Variants in CDH4 observed in about 807,000 individuals in gnomAD.
CDH4 encodes the protein cadherin 4.
In CDH4, 33 loss-of-function variants were observed where a neutral mutation model predicts 86.0. The ratio of observed to expected loss-of-function variants is 0.38; its 90% confidence interval spans 0.29 to 0.51. CDH4 has a LOEUF of 0.51. Ranked by LOEUF, CDH4 falls within the 20% of genes least tolerant of loss-of-function variation. CDH4 has a pLI of 0.86. For synonymous variants in CDH4, 555 were observed against 549.4 expected (o/e 1.01, Z -0.14); for missense variants, 1,114 against 1,307.4 (o/e 0.85, Z 2.28).
intron 2 of CDH4, among the ~76,000 whole-genome samples, chr20:61,258,873 G>C (rs973594144): frequency 2.6e-5 from 4 of 152,222 alleles, no homozygotes; most frequent in Non-Finnish European, 5.9e-5. Flanking sequence ...CCTGTACCAG[G>C]AAGACAAACA....
At chr20:61,284,271 A>G (rs1391716060) in intron 2 of CDH4, among the ~76,000 whole-genome samples, 2 of 151,896 alleles carry the variant, frequency 1.3e-5, no homozygotes, top group Non-Finnish European at 2.9e-5. Flanking sequence ...CTGAGATTGC[A>G]CCACTGCACT....
chr20:61,412,231 A>G (rs1432985694), intron 2 of CDH4, among the ~76,000 whole-genome samples: 14 of 152,144 alleles, frequency 9.2e-5, no homozygotes, highest in Non-Finnish European at 1.5e-5. Context: ...CACTCTAGCA[A>G]GAAACTCTGG....
At chr20:61,831,934 G>A (rs1981636743) in intron 4 of CDH4, among the ~76,000 whole-genome samples, 1 of 152,250 alleles carries the variant, frequency 6.6e-6, no homozygotes, top group Non-Finnish European at 1.5e-5. Context: ...GGACTGGCTG[G>A]AAGCCTCGGG....
At chr20:61,836,900 GTGGGGGTAGGGGGTCTGGCACAC>G (rs1442209818) in intron 4 of CDH4, among the ~76,000 whole-genome samples, 1 of 152,238 alleles carries the variant, frequency 6.6e-6, no homozygotes, top group Non-Finnish European at 1.5e-5. Context: ...ACTTTTAAAA[GTGGGGGTAGGGGGTCTGGCACAC>G]TGGCCCATGC....
intron 2 of CDH4, among the ~76,000 whole-genome samples, chr20:61,522,273 C>G (rs965992406): frequency 6.6e-6 from 1 of 152,054 alleles, no homozygotes; most frequent in Non-Finnish European, 1.5e-5. Flanking sequence ...GAGGCCGGAT[C>G]GGGAACCCCC....
chr20:61,725,337 A>G (rs2088097723), intron 2 of CDH4, among the ~76,000 whole-genome samples: 1 of 152,170 alleles, frequency 6.6e-6, no homozygotes, highest in Admixed American at 6.5e-5. Context: ...GTACACACGC[A>G]CATGCATAGG....
chr20:61,875,545 C>T lies in CDH4; in HGVS notation c.1050+1645C>T, dbSNP rs538687694. 4.5e-4 allele frequency among the ~76,000 whole-genome samples: 69 copies of T among 152,192 alleles called. 2 individuals are homozygous for T. The East Asian group carries it at 5.4e-3, about 12-fold the overall frequency. ...GTGGCAGGCAGCGTGAGGGCTGGCACGGATGGCACAGGCGAGGACTTTTGA... is the reference window on the plus strand; with the variant it reads ...GTGGCAGGCAGCGTGAGGGCTGGCATGGATGGCACAGGCGAGGACTTTTGA... On this transcript the variant is annotated intron_variant, in intron 7 of 15. Transcript: ENST00000614565.
At chr20:61,463,630 G>T (rs13433309) in intron 2 of CDH4, among the ~76,000 whole-genome samples, 13,433 of 152,204 alleles carry the variant, frequency 0.088, 1,996 homozygotes, top group African/African-American at 0.3. Context: ...AGGAGAGGGC[G>T]GAGGGTCTCA....
chr20:61,846,302 G>A (rs1982451424), intron 5 of CDH4, among the ~76,000 whole-genome samples: 1 of 152,248 alleles, frequency 6.6e-6, no homozygotes, highest in Non-Finnish European at 1.5e-5. Context: ...GAGTGGCCGA[G>A]GCAGAACCAC....
At chr20:61,928,136 T>G in intron 11 of CDH4, 54 bp from the exon 12 acceptor site, 2 of 1,350,226 alleles carry the variant, frequency 1.5e-6, no homozygotes, top group Non-Finnish European at 2.1e-6. Context: ...GAGCTGTGGG[T>G]TGGTCATGGA....
Position 61,572,145 on chromosome 20 carries a change from C to T in CDH4, c.170-171418C>T, listed in dbSNP as rs181560594. Among the ~76,000 whole-genome samples the T allele has an allele frequency of 2.1e-3, 322 of 152,184 alleles. 2 individuals are homozygous for T. The highest frequency in any genetic ancestry group is 0.014 in the Admixed American group (210 of 15,282). On this transcript the variant is annotated intron_variant, in intron 2 of 15. Transcript: ENST00000614565. ...CTTCACTTACGAAGGAACTGGCAGC[C>T]GTGGGGATCTGGGGGGCCTCTCTTG...
At chr20:61,864,222 C>T (rs1983447469) in intron 6 of CDH4, among the ~76,000 whole-genome samples, 1 of 152,210 alleles carries the variant, frequency 6.6e-6, no homozygotes. Context: ...CAGGGCAGGG[C>T]TGCTGGCGTT....
At chr20:61,656,366 C>T (rs569147695) in intron 2 of CDH4, among the ~76,000 whole-genome samples, 23 of 137,082 alleles carry the variant, frequency 1.7e-4, no homozygotes, top group African/African-American at 4.8e-4. Flanking sequence ...AGTGGGCAGG[C>T]GCGTGCTGGG....
intron 7 of CDH4, among the ~76,000 whole-genome samples, chr20:61,893,900 A>T (rs1269647943): frequency 6.6e-6 from 1 of 152,006 alleles, no homozygotes; most frequent in Non-Finnish European, 1.5e-5. Flanking sequence ...AAGGTTGGTG[A>T]CCATCTGCTG....
At chr20:61,803,923 C>A (rs2146035851) in intron 4 of CDH4, among the ~76,000 whole-genome samples, 1 of 152,376 alleles carries the variant, frequency 6.6e-6, no homozygotes, top group East Asian at 1.9e-4. Flanking sequence ...GCGTCTGCTT[C>A]CAGGAGGCGG....
intron 2 of CDH4, among the ~76,000 whole-genome samples, chr20:61,299,892 G>T (rs1462645834): frequency 1.3e-5 from 2 of 152,286 alleles, no homozygotes; most frequent in East Asian, 1.9e-4. Flanking sequence ...CTTCCCCGGG[G>T]GCATGACGCT....
intron 3 of CDH4, among the ~76,000 whole-genome samples, chr20:61,766,325 C>T (rs1163542231): frequency 6.6e-6 from 1 of 152,060 alleles, no homozygotes. Context: ...GTTCGCCTGC[C>T]CCCCAGCCCT....
At chr20:61,284,150 A>T (rs1388887120) in intron 2 of CDH4, among the ~76,000 whole-genome samples, 1 of 28,692 alleles carries the variant, frequency 3.5e-5, no homozygotes, top group Non-Finnish European at 7.6e-5. Context: ...CTAAAAATAC[A>T]AAAAAAAAAA....
chr20:61,599,569 C>T (rs1307981092), intron 2 of CDH4, among the ~76,000 whole-genome samples: 3 of 152,334 alleles, frequency 2.0e-5, no homozygotes, highest in South Asian at 4.1e-4. Flanking sequence ...GCCAGCCTCC[C>T]AGGCGGGGCA....
Sources: allele counts gnomAD v4.1 joint callset (sites outside exome capture counted in the v4.1 genomes callset), GRCh38; gene constraint gnomAD v4.1.1; transcripts MANE v1.5; gene names NCBI Gene and HGNC (gene_info 2026-07-23, HGNC 2026-07-21).